TBPL1: variants seen among roughly 807,000 people sequenced by gnomAD.
TBPL1 encodes TATA box-binding protein-like 1.
TBPL1 carries 4 observed loss-of-function variants against 22.1 expected under a neutral mutation model. The observed-to-expected ratio is 0.18, with a 90% CI of 0.09 to 0.41. The LOEUF is 0.41. Ranked by LOEUF, TBPL1 falls within the 10% of genes least tolerant of loss-of-function variation. The pLI is 1.00. For synonymous variants in TBPL1, 64 were observed against 71.0 expected (o/e 0.90, Z 0.50); for missense variants, 115 against 222.3 (o/e 0.52, Z 3.07).
intron 1 of TBPL1, among the ~76,000 whole-genome samples, chr6:133,967,815 G>T (rs1205371017): frequency 6.6e-6 from 1 of 152,134 alleles, no homozygotes; most frequent in African/African-American, 2.4e-5. Flanking sequence ...AATTAATTCA[G>T]TATTGCTGCT....
At chr6:133,973,652 C>CTT (rs1776262505) in intron 1 of TBPL1, among the ~76,000 whole-genome samples, 1 of 152,094 alleles carries the variant, frequency 6.6e-6, no homozygotes, top group Non-Finnish European at 1.5e-5. Flanking sequence ...GAAAGAGGAC[C>CTT]AAAAATACAG....
intron 1 of TBPL1, among the ~76,000 whole-genome samples, chr6:133,962,698 A>G (rs926922794): frequency 1.3e-5 from 2 of 152,240 alleles, no homozygotes; most frequent in African/African-American, 4.8e-5. Flanking sequence ...TGAGGCCTGA[A>G]AAGTTTAAAG....
At chr6:133,978,154 T>G (rs1040639647) in intron 1 of TBPL1, among the ~76,000 whole-genome samples, 3 of 152,198 alleles carry the variant, frequency 2.0e-5, no homozygotes, top group African/African-American at 7.2e-5. Flanking sequence ...GCCAGGAGCC[T>G]AGCAGAAAAC....
At chr6:133,968,668 TTTTTG>T (rs955568335) in intron 1 of TBPL1, among the ~76,000 whole-genome samples, 8 of 152,134 alleles carry the variant, frequency 5.3e-5, no homozygotes, top group South Asian at 4.2e-4. Context: ...GCATCCAAGT[TTTTTG>T]TTTTGTTTTG....
chr6:133,968,577 G>A (rs908274706), intron 1 of TBPL1, among the ~76,000 whole-genome samples: 3 of 152,206 alleles, frequency 2.0e-5, no homozygotes, highest in Non-Finnish European at 2.9e-5. Context: ...ATGGTATTGT[G>A]TTTTACAAAT....
intron 2 of TBPL1, 151 bp from the exon 3 acceptor site, chr6:133,982,417 A>G: frequency 1.7e-6 from 1 of 585,728 alleles, no homozygotes; most frequent in South Asian, 3.0e-5. Flanking sequence ...TTGGTATTGT[A>G]CTTGATTTCA....
chr6:133,972,215 T>C (rs776533585), intron 1 of TBPL1, among the ~76,000 whole-genome samples: 5 of 152,212 alleles, frequency 3.3e-5, no homozygotes, highest in Non-Finnish European at 5.9e-5. Flanking sequence ...AAAAAAAGTC[T>C]GTCTACATAA....
At position 133,982,551 on chromosome 6, in the gene TBPL1, AT is replaced by A. The variant is rs201530971; in HGVS notation, c.136-9del. On this transcript the variant is annotated splice_polypyrimidine_tract_variant and intron_variant, in intron 2 of 6. Coordinates refer to ENST00000237264, the MANE Select transcript of TBPL1 (RefSeq NM_004865.4). ...AAAATAATGCTTATGAGGTAATCAG[AT>A]TTTTTTTCCCCCCAGAAAGTATTAA... The A allele has an allele frequency of 1.2e-4, 198 of 1,602,964 alleles. No individual in the cohort carries two copies. The East Asian group carries it at 1.3e-3, about 11-fold the overall frequency.
chr6:133,981,274 A>G (rs1477899583), intron 2 of TBPL1, among the ~76,000 whole-genome samples: 1 of 152,152 alleles, frequency 6.6e-6, no homozygotes, highest in Non-Finnish European at 1.5e-5. Flanking sequence ...CCTGGCCGTC[A>G]TTAATTCTTA....
chr6:133,984,366 T>C lies in TBPL1; in HGVS notation c.283-10T>C, dbSNP rs1475059964. On this transcript the variant is annotated splice_polypyrimidine_tract_variant and intron_variant, in intron 4 of 6. Coordinates refer to ENST00000237264, the MANE Select transcript of TBPL1 (RefSeq NM_004865.4). ...AAATAAATTTATTGAATTTTACTTC[T>C]CTCCTAAAGGTAATATTTACAGATT... 1 of 1,569,464 alleles carries C rather than the reference T, an allele frequency of 6.4e-7. No homozygotes were observed.
chr6:133,984,540 A>G (rs1347421311), intron 5 of TBPL1, 37 bp from the exon 6 acceptor site: 3 of 1,607,214 alleles, frequency 1.9e-6, no homozygotes, highest in South Asian at 1.1e-5. Flanking sequence ...TAGTCAGGGT[A>G]TAAATATTTA....
chr6:133,960,437 A>G (rs560152389), intron 1 of TBPL1, among the ~76,000 whole-genome samples: 2 of 112,812 alleles, frequency 1.8e-5, no homozygotes, highest in African/African-American at 7.6e-5. Context: ...TTTTTTTTTT[A>G]ATTTTAAGAA....
At chr6:133,985,714 C>T (rs367922043) in intron 6 of TBPL1, among the ~76,000 whole-genome samples, 2 of 152,066 alleles carry the variant, frequency 1.3e-5, no homozygotes, top group South Asian at 4.2e-4. Flanking sequence ...TTTCTTTCTT[C>T]AATCCACAGA....
chr6:133,956,309 A>G (rs1284363647), intron 1 of TBPL1, among the ~76,000 whole-genome samples: 1 of 152,162 alleles, frequency 6.6e-6, no homozygotes, highest in Non-Finnish European at 1.5e-5. Context: ...ACTTAAATCC[A>G]TTTTGTTGTG....
At chr6:133,954,129 A>G (rs1446889721) in intron 1 of TBPL1, among the ~76,000 whole-genome samples, 1 of 152,230 alleles carries the variant, frequency 6.6e-6, no homozygotes, top group Non-Finnish European at 1.5e-5. Flanking sequence ...TCCTGCCGAG[A>G]TGTGCATCTG....
chr6:133,977,530 T>C (rs939429490), intron 1 of TBPL1, among the ~76,000 whole-genome samples: 16 of 152,184 alleles, frequency 1.1e-4, no homozygotes, highest in African/African-American at 3.6e-4. Context: ...GTAGTAAATC[T>C]GAGTCAATTT....
In TBPL1 at chr6:133,989,154, C is replaced by T. The variant is rs952907409; in HGVS notation, c.*2114C>T. ...ACAAAGATGGGAAGAAGTGAGTGCT[C>T]TGATGTCTTCTGCTGGCTCTCCATA... On this transcript the variant is annotated 3_prime_UTR_variant, in exon 7 of 7. Transcript: ENST00000237264. 2 of 152,136 alleles carry T rather than the reference C, an allele frequency of 1.3e-5. No homozygotes were observed. Among genetic ancestry groups the T allele is most frequent in the East Asian group, 1.9e-4 (1 of 5,198 alleles). The allele number at this position is 152,136 out of a possible 1,614,324, so 9.4% of individuals were successfully genotyped here.
At chr6:133,984,280 CTT>C in intron 4 of TBPL1, 94 bp from the exon 5 acceptor site, 1 of 866,400 alleles carries the variant, frequency 1.2e-6, no homozygotes, top group Non-Finnish European at 1.8e-6. Context: ...TTTGTTTTAT[CTT>C]GTTTGCTCTT....
intron 1 of TBPL1, among the ~76,000 whole-genome samples, chr6:133,958,453 G>T (rs1396689333): frequency 1.3e-5 from 2 of 152,156 alleles, no homozygotes; most frequent in African/African-American, 4.8e-5. Flanking sequence ...AATTCAGGTG[G>T]CTCAAGAATG....
Sources: gnomAD v4.1 joint callset for allele counts (sites outside exome capture counted in the v4.1 genomes callset) on GRCh38, gnomAD v4.1.1 for gene constraint, MANE v1.5 for transcripts, NCBI Gene and HGNC (gene_info 2026-07-23, HGNC 2026-07-21) for gene names.